The following ARSB variants were observed in gnomAD, a reference collection of about 807,000 sequenced individuals.
ARSB encodes the protein N-acetylgalactosamine-4-sulfatase.
Under a neutral mutation model 50.9 loss-of-function variants are expected in ARSB, and 41 were observed. The ratio of observed to expected loss-of-function variants is 0.81; its 90% CI spans 0.63 to 1.04. ARSB has a LOEUF of 1.04. Among genes scored for constraint, ARSB ranks in the 50% least tolerant of loss-of-function variants. The pLI, the probability that ARSB is intolerant of heterozygous loss-of-function variation, is 0.00. For synonymous variants in ARSB, 269 were observed against 284.8 expected, an observed-to-expected ratio of 0.94 and a Z score of 0.56; for missense variants, 672 against 693.3, an observed-to-expected ratio of 0.97 and a Z score of 0.35.
At chr5:78,821,041 C>T (rs1744199722) in intron 6 of ARSB, among the ~76,000 whole-genome samples, 1 of 151,820 alleles carries the variant, frequency 6.6e-6, no homozygotes, top group Admixed American at 6.6e-5. Flanking sequence ...TACATAAGCA[C>T]ATCTAAAGTG....
At chr5:78,981,735 CAATA>C (rs1175570753) in intron 1 of ARSB, among the ~76,000 whole-genome samples, 2 of 152,192 alleles carry the variant, frequency 1.3e-5, no homozygotes, top group South Asian at 2.1e-4. Flanking sequence ...CCTCTTTACT[CAATA>C]AATAATTTCT....
intron 4 of ARSB, among the ~76,000 whole-genome samples, chr5:78,911,742 G>A (rs372737649): frequency 6.6e-5 from 10 of 152,144 alleles, no homozygotes; most frequent in East Asian, 1.9e-4. Flanking sequence ...ACAAAGAGAC[G>A]AGAGACACAG....
intron 2 of ARSB, among the ~76,000 whole-genome samples, chr5:78,964,867 T>A (rs865857566): frequency 2.0e-5 from 3 of 151,008 alleles, no homozygotes; most frequent in South Asian, 2.1e-4. Flanking sequence ...TTTTTTTTTT[T>A]ATCAGAGTTG....
chr5:78,849,034 TA>T (rs1745605346), intron 5 of ARSB, among the ~76,000 whole-genome samples: 1 of 152,224 alleles, frequency 6.6e-6, no homozygotes, highest in Admixed American at 6.5e-5. Context: ...ACTTTGATGG[TA>T]GTTTCTTTTG....
intron 6 of ARSB, among the ~76,000 whole-genome samples, chr5:78,800,999 A>C (rs1743374249): frequency 6.6e-6 from 1 of 152,192 alleles, no homozygotes; most frequent in African/African-American, 2.4e-5. Context: ...TGGATAGTTG[A>C]GCACCCTGGC....
intron 6 of ARSB, among the ~76,000 whole-genome samples, chr5:78,818,122 T>G (rs1448097893): frequency 2.0e-5 from 3 of 152,204 alleles, no homozygotes; most frequent in African/African-American, 7.2e-5. Context: ...CACTCCAGCC[T>G]GGGTGACAGA....
intron 6 of ARSB, among the ~76,000 whole-genome samples, chr5:78,790,877 A>G (rs80290764): frequency 6.6e-6 from 1 of 152,222 alleles, no homozygotes; most frequent in Non-Finnish European, 1.5e-5. Flanking sequence ...GAAAGGGTCT[A>G]TATTTGTTCC....
At chr5:78,863,832 A>G (rs937802907) in intron 5 of ARSB, among the ~76,000 whole-genome samples, 2 of 151,980 alleles carry the variant, frequency 1.3e-5, no homozygotes, top group African/African-American at 2.4e-5. Flanking sequence ...TATCATCTTT[A>G]TTTCATAAAC....
intron 6 of ARSB, among the ~76,000 whole-genome samples, chr5:78,813,845 G>T (rs1743900105): frequency 6.6e-6 from 1 of 151,918 alleles, no homozygotes; most frequent in Non-Finnish European, 1.5e-5. Context: ...TATTTATTAT[G>T]AGTACTGGCA....
At chr5:78,946,064 G>A (rs574446426) in intron 4 of ARSB, among the ~76,000 whole-genome samples, 42 of 152,276 alleles carry the variant, frequency 2.8e-4, no homozygotes, top group Middle Eastern at 3.4e-3. Flanking sequence ...AATGAAAGAC[G>A]GAGTGAATAA....
At chr5:78,907,702 G>A (rs1749124988) in intron 4 of ARSB, among the ~76,000 whole-genome samples, 2 of 152,206 alleles carry the variant, frequency 1.3e-5, no homozygotes, top group Admixed American at 6.5e-5. Flanking sequence ...CCACAAAGCG[G>A]GGGAGGCCAC....
chr5:78,819,336 G>A (rs1744122102), intron 6 of ARSB, among the ~76,000 whole-genome samples: 1 of 152,252 alleles, frequency 6.6e-6, no homozygotes, highest in Non-Finnish European at 1.5e-5. Context: ...CCTTGGCAAA[G>A]ACCAAGTGCA....
At chr5:78,960,941 T>C (rs1337301159) in intron 3 of ARSB, among the ~76,000 whole-genome samples, 2 of 152,206 alleles carry the variant, frequency 1.3e-5, no homozygotes, top group African/African-American at 4.8e-5. Flanking sequence ...TATGGGGAAT[T>C]ATCCTGCTGA....
At chr5:78,943,166 A>G (rs1751024305) in intron 4 of ARSB, among the ~76,000 whole-genome samples, 1 of 152,026 alleles carries the variant, frequency 6.6e-6, no homozygotes, top group Admixed American at 6.5e-5. Context: ...TTTTGAGCCT[A>G]TGTGTGTCTT....
chr5:78,837,278 A>G (rs1235539104), intron 6 of ARSB, among the ~76,000 whole-genome samples: 4 of 152,272 alleles, frequency 2.6e-5, no homozygotes, highest in Non-Finnish European at 2.9e-5. Context: ...TATCCCCTAG[A>G]CCTAGGTTAT....
At chr5:78,865,890 C>G (rs999708129) in intron 5 of ARSB, among the ~76,000 whole-genome samples, 1 of 152,220 alleles carries the variant, frequency 6.6e-6, no homozygotes, top group East Asian at 1.9e-4. Context: ...TGCCTCATCT[C>G]CATCCAAGAC....
At chr5:78,959,956 A>G (rs914489083) in intron 3 of ARSB, among the ~76,000 whole-genome samples, 1 of 152,154 alleles carries the variant, frequency 6.6e-6, no homozygotes, top group African/African-American at 2.4e-5. Flanking sequence ...ACTCCTGCCA[A>G]CCAGAGCTCG....
At chr5:78,956,633 A>T (rs967516743) in intron 3 of ARSB, among the ~76,000 whole-genome samples, 7 of 152,236 alleles carry the variant, frequency 4.6e-5, no homozygotes, top group African/African-American at 1.7e-4. Flanking sequence ...ACAAATAATA[A>T]TATCAGTAAT....
intron 4 of ARSB, among the ~76,000 whole-genome samples, chr5:78,953,258 A>T (rs542226837): frequency 6.6e-6 from 1 of 152,350 alleles, no homozygotes; most frequent in African/African-American, 2.4e-5. Context: ...CCATATGGAA[A>T]GCTCTGCTAT....
Sources: gnomAD v4.1 joint callset for allele counts (sites outside exome capture counted in the v4.1 genomes callset) on GRCh38, gnomAD v4.1.1 for gene constraint, MANE v1.5 for transcripts, NCBI Gene and HGNC (gene_info 2026-07-23, HGNC 2026-07-21) for gene names.